Variants in DNAH5 observed in about 807,000 individuals in gnomAD.
DNAH5 encodes dynein axonemal heavy chain 5.
Under a neutral mutation model 518.2 loss-of-function variants are expected in DNAH5, and 372 were observed. That is an observed-to-expected ratio of 0.72 (90% confidence interval 0.66 to 0.78). The LOEUF is 0.78. DNAH5 is among the 30% of genes least tolerant of loss of function. DNAH5 has a pLI of 0.00. For synonymous variants in DNAH5, 2,039 were observed against 2,025.9 expected, an observed-to-expected ratio of 1.01 and a Z score of -0.17; for missense variants, 5,523 against 5,687.0, an observed-to-expected ratio of 0.97 and a Z score of 0.93.
In DNAH5 at chr5:13,807,741, T is replaced by C. The variant is rs1029180560; in HGVS notation, c.7753-16A>G. 5 of 1,593,434 alleles carry C rather than the reference T, an allele frequency of 3.1e-6. No homozygotes were observed. Among genetic ancestry groups the C allele is most frequent in the Non-Finnish European group, 4.3e-6 (5 of 1,167,576 alleles). ...ATAGCACAGCCTAAAATAGAGGGAA[T>C]TGAAAAAAAAAGAAATGAAATAAAT... On this transcript the variant is annotated splice_polypyrimidine_tract_variant and intron_variant, in intron 46 of 78. Transcript: ENST00000265104.
chr5:13,970,242 A>G (rs1184457587), intron 1 of DNAH5, among the ~76,000 whole-genome samples: 1 of 152,184 alleles, frequency 6.6e-6, no homozygotes, highest in Non-Finnish European at 1.5e-5. Context: ...ATTCTTATGC[A>G]TTCTGCCTTG....
intron 7 of DNAH5, among the ~76,000 whole-genome samples, chr5:13,918,350 C>T (rs1447351249): frequency 6.6e-6 from 1 of 152,166 alleles, no homozygotes; most frequent in Non-Finnish European, 1.5e-5. Flanking sequence ...CGCGTTGAGC[C>T]CTAAGATGAA....
intron 78 of DNAH5, among the ~76,000 whole-genome samples, chr5:13,693,663 A>T (rs1397845939): frequency 1.3e-5 from 2 of 152,214 alleles, no homozygotes; most frequent in African/African-American, 4.8e-5. Flanking sequence ...GGATAATGCT[A>T]ACATCCTATG....
chr5:13,771,334 C>T (rs187223762), intron 55 of DNAH5: 32 of 295,886 alleles, frequency 1.1e-4, no homozygotes, highest in Middle Eastern at 1.1e-3. Context: ...TCAGTGCCCA[C>T]CTGGTACTCA....
Position 13,814,719 on chromosome 5 carries a change from G to A in DNAH5, c.7116C>T (p.Asn2372=). The change falls in exon 43 of 79, where the codon AAC becomes AAT. Residue 2372 remains asparagine (N), a synonymous_variant. Transcript: ENST00000265104. ...TATGAGGCTCGAAAATGATCTTGCA[G>A]TTTGGAGCCATGGGAATCCGATCAC... ...ANGDRIPMAP[N]CKIIFEPHNI... 6.2e-7 allele frequency: 1 copy of A among 1,614,102 alleles called. No individual in the cohort carries two copies.
At chr5:13,785,911 T>C (rs531950017) in intron 52 of DNAH5, among the ~76,000 whole-genome samples, 27 of 152,316 alleles carry the variant, frequency 1.8e-4, no homozygotes, top group African/African-American at 4.3e-4. Context: ...ATATTCATCC[T>C]CCGTGGTGAA....
chr5:13,823,248 T>A lies in DNAH5; in HGVS notation c.6687+15A>T. On this transcript the variant is annotated intron_variant, in intron 40 of 78. Coordinates refer to ENST00000265104, the MANE Select transcript of DNAH5 (RefSeq NM_001369.3). ...AAACAGACACCAGCCCTCGTTGCCC[T>A]GTGAAGCATATTACCTGTCTACTAA... The A allele has an allele frequency of 6.6e-7, 1 of 1,522,018 alleles. No homozygotes were observed. Among genetic ancestry groups the A allele is most frequent in the Non-Finnish European group, 9.1e-7 (1 of 1,096,040 alleles). The allele number at this position is 1,522,018 out of a possible 1,614,324, so 94.3% of individuals were successfully genotyped here.
At chr5:13,986,552 CACAA>C (rs779323279) in intron 1 of DNAH5, among the ~76,000 whole-genome samples, 1 of 152,108 alleles carries the variant, frequency 6.6e-6, no homozygotes, top group Non-Finnish European at 1.5e-5. Flanking sequence ...AGACTATGGA[CACAA>C]ACAAAGCCAG....
intron 47 of DNAH5, among the ~76,000 whole-genome samples, chr5:13,796,794 C>T (rs1450200361): frequency 6.6e-6 from 1 of 152,176 alleles, no homozygotes; most frequent in Non-Finnish European, 1.5e-5. Context: ...TACCTGACTT[C>T]AAACTATACT....
chr5:13,934,000 T>C (rs1560964927), intron 1 of DNAH5, among the ~76,000 whole-genome samples: 1 of 152,070 alleles, frequency 6.6e-6, no homozygotes, highest in Non-Finnish European at 1.5e-5. Context: ...GCCACTAACC[T>C]GTCAAGAAAT....
chr5:13,776,744 C>T, intron 54 of DNAH5, 38 bp from the exon 55 acceptor site: 1 of 1,608,520 alleles, frequency 6.2e-7, no homozygotes, highest in Non-Finnish European at 8.5e-7. Context: ...TCAGTACACA[C>T]ATAGGAAAAT....
intron 1 of DNAH5, among the ~76,000 whole-genome samples, chr5:13,942,861 C>G (rs1779589172): frequency 6.6e-6 from 1 of 152,234 alleles, no homozygotes; most frequent in African/African-American, 2.4e-5. Context: ...TTATACCTAA[C>G]ACGACGGTCG....
intron 75 of DNAH5, among the ~76,000 whole-genome samples, chr5:13,709,955 A>G (rs546382590): frequency 1.3e-5 from 2 of 152,172 alleles, no homozygotes; most frequent in African/African-American, 4.8e-5. Flanking sequence ...TCTTCATACT[A>G]CCACAGCTGA....
intron 10 of DNAH5, 107 bp downstream of exon 10, chr5:13,914,413 G>A: frequency 7.6e-7 from 1 of 1,314,938 alleles, no homozygotes; most frequent in Non-Finnish European, 1.1e-6. Context: ...AAGAATCACT[G>A]TTCTTTTTAT....
chr5:13,705,735 A>T (rs1375692389), intron 76 of DNAH5, among the ~76,000 whole-genome samples: 3 of 152,216 alleles, frequency 2.0e-5, no homozygotes, highest in Non-Finnish European at 4.4e-5. Context: ...ACCCTAATCC[A>T]GTATGTTGCT....
intron 22 of DNAH5, among the ~76,000 whole-genome samples, chr5:13,876,007 A>G (rs1322739849): frequency 6.6e-6 from 1 of 152,202 alleles, no homozygotes; most frequent in African/African-American, 2.4e-5. Flanking sequence ...AAACATTATT[A>G]ACAAGTCAAC....
In DNAH5 at chr5:13,765,805, G is replaced by A. The variant is rs187925010; in HGVS notation, c.10101+171C>T. Among the ~76,000 whole-genome samples the A allele has an allele frequency of 8.9e-3, 1,347 of 152,180 alleles. 8 individuals are homozygous for A. Among genetic ancestry groups the A allele is most frequent in the Non-Finnish European group, 0.012 (800 of 68,006 alleles). ...TGATGCTTTAATACAACTAAAATCTGTCAGGAAAAACTCTAATGCTTATAA... is the reference window on the plus strand; with the variant it reads ...TGATGCTTTAATACAACTAAAATCTATCAGGAAAAACTCTAATGCTTATAA... On this transcript the variant is annotated intron_variant, in intron 59 of 78. Transcript: ENST00000265104.
Position 13,944,268 on chromosome 5 carries a change from C to G in DNAH5, c.57+114G>C, listed in dbSNP as rs1049332982. On this transcript the variant is annotated intron_variant, in intron 1 of 78. Transcript: ENST00000265104. ...AACATTAGTTAAAAAATGTGTTTCT[C>G]GCAAATTCATCAGTGTGTGACTTTG... is the stretch of plus-strand genomic sequence containing the variant. The G allele has an allele frequency of 3.9e-6, 4 of 1,019,596 alleles. No homozygotes were observed. The Admixed American group carries it at 5.3e-5, about 14-fold the overall frequency. The allele number at this position is 1,019,596 out of a possible 1,614,324, so 63.2% of individuals were successfully genotyped here.
At chr5:13,710,132 A>G (rs1047873215) in intron 75 of DNAH5, among the ~76,000 whole-genome samples, 2 of 152,194 alleles carry the variant, frequency 1.3e-5, no homozygotes, top group East Asian at 3.9e-4. Context: ...CAAGGTTCAC[A>G]TCACAAGACT....
Sources: allele counts gnomAD v4.1 joint callset (sites outside exome capture counted in the v4.1 genomes callset), GRCh38; gene constraint gnomAD v4.1.1; transcripts MANE v1.5; gene names NCBI Gene and HGNC (gene_info 2026-07-23, HGNC 2026-07-21).